The following VCAN variants were observed in gnomAD, a reference collection of about 807,000 sequenced individuals.
VCAN encodes versican.
In VCAN, 44 loss-of-function variants were observed where a neutral mutation model predicts 245.5. The ratio of observed to expected loss-of-function variants is 0.18; its 90% CI spans 0.14 to 0.23. The LOEUF is 0.23. Among genes scored for constraint, VCAN ranks in the 10% least tolerant of loss-of-function variants. The probability of loss-of-function intolerance (pLI) is 1.00; values close to 1 mark genes in which losing one functional copy is unlikely to be tolerated. For missense variants in VCAN, 3,793 were observed against 4,057.9 expected (o/e 0.93, Z 1.77); for synonymous variants, 1,413 against 1,437.0 (o/e 0.98, Z 0.38).
At position 83,579,981 on chromosome 5, in the gene VCAN, C is replaced by T. The variant is rs308365; in HGVS notation, c.9882C>T (p.Val3294=). The T allele has an allele frequency of 0.97, 1,561,511 of 1,614,062 alleles. 755,470 individuals are homozygous for T. The highest frequency in any genetic ancestry group is 1 in the East Asian group (44,865 of 44,868). Residue 3294 remains valine (V), a splice_region_variant and synonymous_variant, in exon 14 of 15, where the codon GTC becomes GTT. Coordinates refer to ENST00000265077, the MANE Select transcript of VCAN (RefSeq NM_004385.5). ...HLTYTCKKGT[V]ACGQPPVVEN... ...ATAACCCAATTTGCTTTCCTTTAGT[C>T]GCTTGCGGCCAGCCCCCTGTTGTAG...
chr5:83,541,990 C>A lies in VCAN; in HGVS notation c.8987C>A (p.Pro2996Gln). Reference sequence around the variant, plus strand: ...GCAGGTGTGGTGCCTTGGCTAAGTCCACAGACTTCTGAGAGGCCCACGCTT... The same window carrying A: ...GCAGGTGTGGTGCCTTGGCTAAGTCAACAGACTTCTGAGAGGCCCACGCTT... ...VEAGVVPWLSPQTSERPTLSS... is the reference protein window; with the variant it reads ...VEAGVVPWLSQQTSERPTLSS... Residue 2996 changes from proline (P) to glutamine (Q), a missense_variant, in exon 8 of 15, where the codon CCA becomes CAA. This residue lies in a region of VCAN where 3,182 missense variants were observed against 3,250.3 expected (regional missense o/e 0.98). Coordinates refer to ENST00000265077, the MANE Select transcript of VCAN (RefSeq NM_004385.5). 4 of 1,613,058 alleles carry A rather than the reference C, an allele frequency of 2.5e-6. No homozygotes were observed. The highest frequency in any genetic ancestry group is 3.4e-6 in the Non-Finnish European group (4 of 1,179,330).
chr5:83,566,553 A>T (rs1037660480), intron 12 of VCAN, among the ~76,000 whole-genome samples: 4 of 152,168 alleles, frequency 2.6e-5, no homozygotes, highest in African/African-American at 9.7e-5. Context: ...TAACTTTCAA[A>T]AGCAGAGACC....
chr5:83,568,403 G>A (rs1284122526), intron 12 of VCAN, among the ~76,000 whole-genome samples: 4 of 152,144 alleles, frequency 2.6e-5, no homozygotes, highest in African/African-American at 9.7e-5. Flanking sequence ...TTAAACTACA[G>A]CTCTGCCAAG....
chr5:83,494,376 GTTTAT>G (rs1386336982), intron 5 of VCAN, among the ~76,000 whole-genome samples: 8 of 152,156 alleles, frequency 5.3e-5, no homozygotes, highest in African/African-American at 1.7e-4. Flanking sequence ...TTGACTTCCT[GTTTAT>G]TTTGTTACAC....
At chr5:83,489,686 C>T (rs887371322) in intron 2 of VCAN, among the ~76,000 whole-genome samples, 3 of 151,992 alleles carry the variant, frequency 2.0e-5, no homozygotes, top group South Asian at 2.1e-4. Flanking sequence ...TTTTGTCTTT[C>T]GACCTGTAGA....
At chr5:83,515,939 A>G (rs1485499791) in intron 6 of VCAN, among the ~76,000 whole-genome samples, 2 of 152,206 alleles carry the variant, frequency 1.3e-5, no homozygotes, top group Admixed American at 1.3e-4. Flanking sequence ...CTTTAAAAAG[A>G]TAGTTTGAAT....
At chr5:83,577,704 T>C (rs1748533749) in intron 13 of VCAN, among the ~76,000 whole-genome samples, 1 of 152,222 alleles carries the variant, frequency 6.6e-6, no homozygotes. Flanking sequence ...CCATCTAGAA[T>C]TGATTTTTAA....
intron 12 of VCAN, 49 bp from the exon 13 acceptor site, chr5:83,572,367 C>G (rs371754776): frequency 1.4e-5 from 23 of 1,608,614 alleles, no homozygotes; most frequent in Non-Finnish European, 1.8e-5. Context: ...GTTGCTCTTA[C>G]GTTACTTTTT....
At position 83,572,308 on chromosome 5, in the gene VCAN, A is replaced by G. The variant is rs999454090; in HGVS notation, c.9736-108A>G. ...CAAAATAATTTCAGCTATATGAAACAACAGAAATTGTTGAGTCTATTCCAA... is the reference window on the plus strand; with the variant it reads ...CAAAATAATTTCAGCTATATGAAACGACAGAAATTGTTGAGTCTATTCCAA... On this transcript the variant is annotated intron_variant, in intron 12 of 14. Coordinates refer to ENST00000265077, the MANE Select transcript of VCAN (RefSeq NM_004385.5). 18 of 1,367,398 alleles carry G rather than the reference A, an allele frequency of 1.3e-5. No homozygotes were observed. The African/African-American group carries it at 1.6e-4, about 12-fold the overall frequency. 84.7% of individuals were successfully genotyped at this position (1,367,398 alleles called of 1,614,324 possible). A position where few individuals can be genotyped will look rare whatever the true frequency, so the allele number is the denominator to read the frequency against.
Position 83,520,878 on chromosome 5 carries a change from C to A in VCAN, c.2572C>A (p.Pro858Thr). 1 of 1,614,072 alleles carries A rather than the reference C, an allele frequency of 6.2e-7. No homozygotes were observed. The highest frequency in any genetic ancestry group is 1.1e-5 in the South Asian group (1 of 91,082). ...EDGADEFTLI[P>T]DSTQKQLEEV... ...TGGAGCAGATGAATTTACTCTTATTCCAGATAGTACTCAAAAGCAGTTAGA... is the reference window on the plus strand; with the variant it reads ...TGGAGCAGATGAATTTACTCTTATTACAGATAGTACTCAAAAGCAGTTAGA... The change falls in exon 7 of 15, where the codon CCA (proline) becomes ACA (threonine). Residue 858 changes from proline to threonine, a missense_variant. This residue lies in a region of VCAN where 3,182 missense variants were observed against 3,250.3 expected (regional missense o/e 0.98). Coordinates refer to ENST00000265077, the MANE Select transcript of VCAN (RefSeq NM_004385.5).
chr5:83,481,351 T>C (rs1157306282), intron 1 of VCAN, among the ~76,000 whole-genome samples: 1 of 152,054 alleles, frequency 6.6e-6, no homozygotes, highest in East Asian at 1.9e-4. Flanking sequence ...AAAGGTTTCT[T>C]ATTTGGATTC....
chr5:83,536,821 T>A (rs890516055), intron 7 of VCAN, 186 bp from the exon 8 acceptor site: 1 of 515,330 alleles, frequency 1.9e-6, no homozygotes, highest in African/African-American at 1.9e-5. Flanking sequence ...TTCATTTTTC[T>A]TATTGTTAAT....
chr5:83,511,568 T>G (rs964083847), intron 5 of VCAN, among the ~76,000 whole-genome samples: 2 of 151,250 alleles, frequency 1.3e-5, no homozygotes, highest in African/African-American at 4.8e-5. Context: ...GGAGGTTTTC[T>G]TATTTTTTTT....
chr5:83,542,953 A>G (rs1481746365), intron 8 of VCAN, among the ~76,000 whole-genome samples: 1 of 152,142 alleles, frequency 6.6e-6, no homozygotes, highest in Non-Finnish European at 1.5e-5. Context: ...ATCTCTTCTG[A>G]TTGCCACGAA....
At position 83,539,215 on chromosome 5, in the gene VCAN, C is replaced by T; in HGVS notation, c.6212C>T (p.Ala2071Val). ...LPTAEVEGTK[A>V]PVEKEEVKVS... ...ACAGCAGAAGTGGAAGGTACGAAAG[C>T]TCCAGTAGAGAAGGAGGAAGTAAAG... is the stretch of plus-strand genomic sequence containing the variant. Residue 2071 changes from alanine to valine, a missense_variant, in exon 8 of 15, where the codon GCT becomes GTT. This residue lies in a region of VCAN where 3,182 missense variants were observed against 3,250.3 expected (regional missense o/e 0.98). Transcript: ENST00000265077. 1 of 1,614,006 alleles carries T rather than the reference C, an allele frequency of 6.2e-7. No individual in the cohort carries two copies. Among genetic ancestry groups the T allele is most frequent in the Non-Finnish European group, 8.5e-7 (1 of 1,179,984 alleles).
chr5:83,572,859 ATT>A (rs1289741699), intron 13 of VCAN, among the ~76,000 whole-genome samples: 1 of 126,636 alleles, frequency 7.9e-6, no homozygotes, highest in Admixed American at 8.9e-5. Flanking sequence ...AGACCTTTTT[ATT>A]TTTATTTATT....
rs894239747 is a variant in VCAN at position 83,504,240 on chromosome 5, T to A, written c.749-7863T>A. On this transcript the variant is annotated intron_variant, in intron 5 of 14. Coordinates refer to ENST00000265077, the MANE Select transcript of VCAN (RefSeq NM_004385.5). ...ATATGTCAAAGCTATAAGTATTTAA[T>A]TTGAAATTTTGGAAAACTATGGCTT... is the stretch of plus-strand genomic sequence containing the variant. 3.9e-5 allele frequency among the ~76,000 whole-genome samples: 6 copies of A among 152,340 alleles called. No homozygotes were observed. The East Asian group carries it at 9.6e-4, about 24-fold the overall frequency.
intron 13 of VCAN, among the ~76,000 whole-genome samples, chr5:83,575,343 C>T (rs1748434451): frequency 6.6e-6 from 1 of 152,204 alleles, no homozygotes; most frequent in South Asian, 2.1e-4. Flanking sequence ...TCCCTTACTT[C>T]AGCACCTCTG....
intron 2 of VCAN, among the ~76,000 whole-genome samples, chr5:83,484,333 C>T (rs1475523744): frequency 6.6e-6 from 1 of 151,956 alleles, no homozygotes; most frequent in African/African-American, 2.4e-5. Flanking sequence ...CATCATCTAT[C>T]TATTCATCCA....
Sources: gnomAD v4.1 joint callset for allele counts (sites outside exome capture counted in the v4.1 genomes callset) on GRCh38, gnomAD v4.1.1 for gene constraint, gnomAD v4.1.1 regional missense constraint, MANE v1.5 for transcripts, NCBI Gene and HGNC (gene_info 2026-07-23, HGNC 2026-07-21) for gene names.